The following SLC35F3 variants were observed in gnomAD, a reference collection of about 807,000 sequenced individuals.
SLC35F3 encodes the protein solute carrier family 35 member F3, also known as putative thiamine transporter SLC35F3.
A neutral mutation model predicts 49.9 loss-of-function variants in SLC35F3; 25 were observed. The ratio of observed to expected loss-of-function variants is 0.50; its 90% CI spans 0.37 to 0.70. The LOEUF is 0.70. Ranked by LOEUF, SLC35F3 falls within the 30% of genes least tolerant of loss-of-function variation. The pLI is 0.00. For synonymous variants in SLC35F3, 275 were observed against 265.4 expected, an observed-to-expected ratio of 1.04 and a Z score of -0.35; for missense variants, 525 against 639.8, an observed-to-expected ratio of 0.82 and a Z score of 1.94.
At chr1:234,186,447 C>A (rs964625575) in intron 2 of SLC35F3, among the ~76,000 whole-genome samples, 6 of 152,190 alleles carry the variant, frequency 3.9e-5, no homozygotes, top group African/African-American at 9.7e-5. Flanking sequence ...GCTGACTTTG[C>A]CCCTCTGCTC....
chr1:233,919,671 A>G (rs545491330), intron 2 of SLC35F3, among the ~76,000 whole-genome samples: 1 of 152,208 alleles, frequency 6.6e-6, no homozygotes, highest in East Asian at 1.9e-4. Flanking sequence ...TGGTCTTCTG[A>G]ATGCTGGTGT....
chr1:234,160,771 C>T (rs538459481), intron 2 of SLC35F3, among the ~76,000 whole-genome samples: 27 of 152,316 alleles, frequency 1.8e-4, no homozygotes, highest in Non-Finnish European at 3.4e-4. Context: ...GACCCTATGG[C>T]TTTCGCTGCA....
chr1:233,925,921 G>C (rs1284370251), intron 2 of SLC35F3, among the ~76,000 whole-genome samples: 3 of 152,086 alleles, frequency 2.0e-5, no homozygotes, highest in Non-Finnish European at 4.4e-5. Flanking sequence ...TGAAATTCTG[G>C]GTTGAAAATT....
intron 4 of SLC35F3, among the ~76,000 whole-genome samples, chr1:234,312,143 G>T (rs1657371118): frequency 6.6e-6 from 1 of 152,134 alleles, no homozygotes; most frequent in South Asian, 2.1e-4. Context: ...ATGAGAGCAG[G>T]TAGAACCCTG....
chr1:234,228,788 C>A (rs184387008), intron 2 of SLC35F3, among the ~76,000 whole-genome samples: 1 of 152,042 alleles, frequency 6.6e-6, no homozygotes, highest in Non-Finnish European at 1.5e-5. Flanking sequence ...AGGGAAAATG[C>A]GGCAGCCAAT....
chr1:234,203,110 T>G (rs1415037387), intron 2 of SLC35F3, among the ~76,000 whole-genome samples: 1 of 152,082 alleles, frequency 6.6e-6, no homozygotes, highest in African/African-American at 2.4e-5. Flanking sequence ...AAATTTATAT[T>G]GCAAGAAAAA....
At position 234,164,292 on chromosome 1, in the gene SLC35F3, CTCTT is replaced by C. The variant is rs548165525; in HGVS notation, c.284-67121_284-67118del. 3.7e-4 allele frequency among the ~76,000 whole-genome samples: 56 copies of C among 151,468 alleles called. 1 individual carries two copies. The South Asian group carries it at 8.8e-3, about 24-fold the overall frequency. ...CCTTACTCCCTCCCATTCTCTCTCCCTCTTTCTCTTTCCCTCTCTTTCTCTCTCC... is the reference window on the plus strand; with the variant it reads ...CCTTACTCCCTCCCATTCTCTCTCCCTCTCTTTCCCTCTCTTTCTCTCTCC... On this transcript the variant is annotated intron_variant, in intron 2 of 7. Transcript: ENST00000366618.
intron 2 of SLC35F3, among the ~76,000 whole-genome samples, chr1:234,079,502 A>G (rs1006417104): frequency 2.6e-5 from 4 of 152,238 alleles, no homozygotes; most frequent in African/African-American, 7.2e-5. Flanking sequence ...TGCAAATTAT[A>G]TATTTTGAGT....
chr1:233,979,355 G>T (rs1663142778), intron 2 of SLC35F3, among the ~76,000 whole-genome samples: 1 of 152,150 alleles, frequency 6.6e-6, no homozygotes, highest in South Asian at 2.1e-4. Flanking sequence ...AGGCCCACAG[G>T]AATAATAAAA....
At chr1:234,243,493 A>T (rs1351621161) in intron 3 of SLC35F3, among the ~76,000 whole-genome samples, 2 of 152,246 alleles carry the variant, frequency 1.3e-5, no homozygotes, top group Non-Finnish European at 2.9e-5. Flanking sequence ...GTCTCTTGGT[A>T]AAGATGTTTT....
chr1:234,148,859 A>G (rs550567042), intron 2 of SLC35F3, among the ~76,000 whole-genome samples: 3 of 152,332 alleles, frequency 2.0e-5, no homozygotes, highest in African/African-American at 7.2e-5. Context: ...GAGGAAAAAA[A>G]AGAAATTGAC....
At position 234,051,515 on chromosome 1, in the gene SLC35F3, C is replaced by T. The variant is rs994819756; in HGVS notation, c.283+145757C>T. Among the ~76,000 whole-genome samples the T allele has an allele frequency of 5.9e-5, 9 of 152,278 alleles. 1 individual carries two copies. Among genetic ancestry groups the T allele is most frequent in the Admixed American group, 3.9e-4 (6 of 15,292 alleles). ...ATATTCTGAGACTTTGCTGAAGTTG[C>T]TTATCAGCATAAGGAGATTTTGGGC... On this transcript the variant is annotated intron_variant, in intron 2 of 7. Transcript: ENST00000366618.
At chr1:234,251,464 C>CAAAAAAAAAAA (rs56891961) in intron 3 of SLC35F3, among the ~76,000 whole-genome samples, 1 of 123,834 alleles carries the variant, frequency 8.1e-6, no homozygotes. Flanking sequence ...CAAACTAAAC[C>CAAAAAAAAAAA]AAAAAAAAAA....
chr1:233,906,247 C>A (rs1160038991), intron 2 of SLC35F3, among the ~76,000 whole-genome samples: 2 of 152,132 alleles, frequency 1.3e-5, no homozygotes, highest in Non-Finnish European at 2.9e-5. Flanking sequence ...ATTTTGGATG[C>A]CGTTCACGCC....
At chr1:234,163,179 C>T (rs111734457) in intron 2 of SLC35F3, among the ~76,000 whole-genome samples, 2,106 of 152,282 alleles carry the variant, frequency 0.014, 61 homozygotes, top group African/African-American at 0.047. Flanking sequence ...TTTGAACTTT[C>T]ATCAGTTTTG....
intron 2 of SLC35F3, among the ~76,000 whole-genome samples, chr1:234,128,013 GC>G (rs1665675091): frequency 6.6e-6 from 1 of 152,210 alleles, no homozygotes; most frequent in Non-Finnish European, 1.5e-5. Context: ...TGGGTTGGGA[GC>G]CCAGGGAGAG....
At chr1:234,043,046 A>G (rs1280293830) in intron 2 of SLC35F3, among the ~76,000 whole-genome samples, 2 of 152,224 alleles carry the variant, frequency 1.3e-5, no homozygotes, top group African/African-American at 4.8e-5. Context: ...GTATGATGTA[A>G]CCACCATCTA....
chr1:234,114,282 G>C (rs1348703156), intron 2 of SLC35F3, among the ~76,000 whole-genome samples: 2 of 152,166 alleles, frequency 1.3e-5, no homozygotes, highest in African/African-American at 4.8e-5. Flanking sequence ...AAACAAATTT[G>C]AAAAATGTGC....
chr1:233,965,578 AG>A (rs1662890486), intron 2 of SLC35F3, among the ~76,000 whole-genome samples: 1 of 152,222 alleles, frequency 6.6e-6, no homozygotes, highest in Admixed American at 6.5e-5. Flanking sequence ...GGCAGCCTCT[AG>A]GAGCTAAGGA....
Sources: allele counts gnomAD v4.1 joint callset (sites outside exome capture counted in the v4.1 genomes callset), GRCh38; gene constraint gnomAD v4.1.1; transcripts MANE v1.5; gene names NCBI Gene and HGNC (gene_info 2026-07-23, HGNC 2026-07-21).